DIABLO: variants seen among roughly 807,000 people sequenced by gnomAD.
The protein encoded by DIABLO is diablo IAP-binding mitochondrial protein.
A neutral mutation model predicts 31.7 loss-of-function variants in DIABLO; 32 were observed. That is an observed-to-expected ratio of 1.01 (90% CI 0.76 to 1.35). The LOEUF is 1.35. DIABLO is among the 40% of genes most tolerant of loss of function. The pLI is 0.00. For missense variants in DIABLO, 316 were observed against 286.4 expected (o/e 1.10, Z -0.75); for synonymous variants, 132 against 103.2 (o/e 1.28, Z -1.69).
intron 1 of DIABLO, 154 bp from the exon 2 acceptor site, chr12:122,224,798 A>G: frequency 6.5e-7 from 1 of 1,547,156 alleles, no homozygotes; most frequent in South Asian, 1.2e-5. Context: ...TTCAACATAC[A>G]CCAAGTTTAA....
intron 1 of DIABLO, 130 bp from the exon 2 acceptor site, chr12:122,224,774 G>A (rs757353789): frequency 3.8e-6 from 6 of 1,586,282 alleles, no homozygotes; most frequent in Middle Eastern, 1.7e-4. Flanking sequence ...GGACAGCTGA[G>A]GGGTTTTGAA....
At chr12:122,214,614 T>C (rs1954163692) in intron 5 of DIABLO, among the ~76,000 whole-genome samples, 1 of 152,124 alleles carries the variant, frequency 6.6e-6, no homozygotes, top group African/African-American at 2.4e-5. Context: ...TTGGTAGAGA[T>C]GGGGTTTCAC....
intron 5 of DIABLO, chr12:122,210,002 TTAATC>T (rs1361967998): frequency 2.8e-5 from 16 of 577,780 alleles, no homozygotes; most frequent in African/African-American, 2.2e-4. Context: ...TTTTTCTCCT[TTAATC>T]TATGGATATA....
chr12:122,222,537 A>T (rs574924128), intron 2 of DIABLO: 6 of 148,802 alleles, frequency 4.0e-5, no homozygotes, highest in Non-Finnish European at 8.9e-5. Context: ...CAGGAGGCAG[A>T]GCTTCCTGGG....
chr12:122,214,719 CTTTT>C (rs112840220), intron 5 of DIABLO, among the ~76,000 whole-genome samples: 69 of 149,954 alleles, frequency 4.6e-4, no homozygotes, highest in African/African-American at 1.6e-3. Context: ...ATCCCAGTTT[CTTTT>C]TTTTTTCTTG....
chr12:122,210,477 A>G (rs1170283793), intron 5 of DIABLO, among the ~76,000 whole-genome samples: 3 of 144,036 alleles, frequency 2.1e-5, no homozygotes, highest in African/African-American at 7.8e-5. Flanking sequence ...GGTTCACGCC[A>G]TTCTCCTGCC....
chr12:122,224,862 GAAGGCC>G (rs1333800416), intron 1 of DIABLO: 2 of 1,467,886 alleles, frequency 1.4e-6, no homozygotes, highest in African/African-American at 2.8e-5. Context: ...CTAGCACTTG[GAAGGCC>G]AAGGGCAAGG....
chr12:122,210,959 T>C (rs1954073223), intron 5 of DIABLO, among the ~76,000 whole-genome samples: 1 of 151,528 alleles, frequency 6.6e-6, no homozygotes, highest in Non-Finnish European at 1.5e-5. Flanking sequence ...GAGGATCACT[T>C]GAGTCCAGGA....
upstream of DIABLO, chr12:122,226,077 G>A (rs1165665528): frequency 1.3e-6 from 2 of 1,560,268 alleles, no homozygotes; most frequent in Non-Finnish European, 8.7e-7. Context: ...AGCGCGGAGC[G>A]GGGCACGGCC....
Position 122,212,625 on chromosome 12 carries a change from A to AT in DIABLO, c.523+3862dup, listed in dbSNP as rs1229680409. On this transcript the variant is annotated intron_variant, in intron 5 of 5. Coordinates refer to ENST00000464942, the MANE Select transcript of DIABLO (RefSeq NM_001371333.1). ...TACTTTATTGTTCGCTTATTTATTTATTTTTGTTTTTTTTTTTGAGATGGA... is the reference window on the plus strand; with the variant it reads ...TACTTTATTGTTCGCTTATTTATTTATTTTTTGTTTTTTTTTTTGAGATGGA... Among the ~76,000 whole-genome samples the AT allele has an allele frequency of 1.1e-4, 15 of 131,172 alleles. 1 individual carries two copies. The highest frequency in any genetic ancestry group is 2.4e-4 in the South Asian group (1 of 4,092). The allele number at this position is 131,172 out of a possible 152,430, so 86.1% of individuals were successfully genotyped here.
intron 5 of DIABLO, among the ~76,000 whole-genome samples, chr12:122,212,111 T>C (rs896771365): frequency 1.5e-4 from 23 of 151,922 alleles, no homozygotes; most frequent in Non-Finnish European, 1.5e-5. Context: ...GCTGGGATCA[T>C]AGGTGTGAAC....
chr12:122,224,642 T>G lies in DIABLO; in HGVS notation c.53A>C (p.Tyr18Ser). The G allele has an allele frequency of 6.2e-7, 1 of 1,614,184 alleles. No individual in the cohort carries two copies. The highest frequency in any genetic ancestry group is 1.1e-5 in the South Asian group (1 of 91,086). The part of the protein sequence containing the change: ...LSRSVTSFFR[Y>S]RQCLCVPVVA... ...AACAGGAACACACAAACACTGTCTG[T>G]ACCTGGAAGTAGAAGTCAGATTTCA... The change falls in exon 2 of 6, where the codon TAC becomes TCC. Residue 18 changes from tyrosine (Y) to serine (S), a missense_variant and splice_region_variant. Transcript: ENST00000464942.
chr12:122,226,172 G>T, upstream of DIABLO: 1 of 1,149,240 alleles, frequency 8.7e-7, no homozygotes, highest in Non-Finnish European at 1.3e-6. Context: ...AAGGGGGCGA[G>T]GCTTAGGGCA....
At chr12:122,219,197 C>T (rs1227356405) in intron 2 of DIABLO, among the ~76,000 whole-genome samples, 11 of 151,824 alleles carry the variant, frequency 7.2e-5, no homozygotes, top group African/African-American at 1.9e-4. Context: ...TGCACCACTG[C>T]GCTCCAGCCT....
intron 2 of DIABLO, among the ~76,000 whole-genome samples, chr12:122,223,268 C>T (rs1243067858): frequency 6.6e-6 from 1 of 151,742 alleles, no homozygotes; most frequent in Non-Finnish European, 1.5e-5. Flanking sequence ...AACCCCATCT[C>T]TACTAAAAAT....
chr12:122,210,277 T>C (rs780827296), intron 5 of DIABLO, among the ~76,000 whole-genome samples: 11 of 152,088 alleles, frequency 7.2e-5, no homozygotes, highest in Admixed American at 1.3e-4. Context: ...ATAGGTATTA[T>C]AGTTTTGGAA....
chr12:122,207,973 C>T lies in DIABLO; in HGVS notation c.*408G>A. The T allele has an allele frequency of 2.1e-6, 1 of 468,834 alleles. No homozygotes were observed. Among genetic ancestry groups the T allele is most frequent in the Non-Finnish European group, 4.2e-6 (1 of 237,194 alleles). The allele number at this position is 468,834 out of a possible 1,614,324, so 29.0% of individuals were successfully genotyped here. On this transcript the variant is annotated 3_prime_UTR_variant, in exon 6 of 6. Coordinates refer to ENST00000464942, the MANE Select transcript of DIABLO (RefSeq NM_001371333.1). Reference sequence around the variant, plus strand: ...GTTCCCCTCCCCCTGCCACAACTGGCATCCCAACAGAGGGAACAAGTACTA... The same window carrying T: ...GTTCCCCTCCCCCTGCCACAACTGGTATCCCAACAGAGGGAACAAGTACTA...
intron 2 of DIABLO, among the ~76,000 whole-genome samples, chr12:122,222,876 T>C (rs1425032497): frequency 6.6e-6 from 1 of 152,084 alleles, no homozygotes; most frequent in Non-Finnish European, 1.5e-5. Flanking sequence ...ACTCACCTCC[T>C]GCTGTGCAGC....
At chr12:122,224,776 G>A (rs750737402) in intron 1 of DIABLO, 132 bp from the exon 2 acceptor site, 9 of 1,583,322 alleles carry the variant, frequency 5.7e-6, no homozygotes, top group African/African-American at 4.0e-5. Context: ...ACAGCTGAGG[G>A]GTTTTGAAAT....
Sources: allele counts gnomAD v4.1 joint callset (sites outside exome capture counted in the v4.1 genomes callset), GRCh38; gene constraint gnomAD v4.1.1; transcripts MANE v1.5; gene names NCBI Gene and HGNC (gene_info 2026-07-23, HGNC 2026-07-21).